The following RBM4 variants were observed in gnomAD, a reference collection of about 807,000 sequenced individuals.
RBM4 encodes RNA-binding protein 4.
RBM4 carries 7 observed loss-of-function variants against 29.5 expected under a neutral mutation model. The observed-to-expected ratio is 0.24, with a 90% CI of 0.14 to 0.45. RBM4 has a LOEUF of 0.45. Ranked by LOEUF, RBM4 falls within the 20% of genes least tolerant of loss-of-function variation. The pLI is 1.00. For missense variants in RBM4, 387 were observed against 502.3 expected (o/e 0.77, Z 2.19); for synonymous variants, 220 against 205.4 (o/e 1.07, Z -0.61).
intron 2 of RBM4, among the ~76,000 whole-genome samples, chr11:66,654,689 T>TG (rs1168956581): frequency 6.7e-6 from 1 of 148,772 alleles, no homozygotes; most frequent in African/African-American, 2.5e-5. Context: ...ATTTTGTTTT[T>TG]TTTTTTTTTT....
chr11:66,641,557 A>G (rs1438364354), intron 2 of RBM4, among the ~76,000 whole-genome samples: 1 of 152,194 alleles, frequency 6.6e-6, no homozygotes, highest in Non-Finnish European at 1.5e-5. Flanking sequence ...TGTTTCCCAC[A>G]CTTCAGCCCA....
chr11:66,650,558 T>A (rs543185745), downstream of RBM4, among the ~76,000 whole-genome samples: 4 of 148,286 alleles, frequency 2.7e-5, no homozygotes, highest in East Asian at 8.0e-4. Flanking sequence ...GCAACGAGAG[T>A]GAAAGTCTGT....
At chr11:66,661,157 C>T (rs1228937714) in intron 2 of RBM4, among the ~76,000 whole-genome samples, 1 of 152,176 alleles carries the variant, frequency 6.6e-6, no homozygotes, top group Non-Finnish European at 1.5e-5. Context: ...CTGCAAGTTC[C>T]TGGAGCTGAT....
rs78037458 is a variant in RBM4 at position 66,642,560 on chromosome 11, G to A, written c.413-890G>A. ...ATATTAGGTGTATGTTCTTAGTTAC[G>A]CTCTCAGATATGTAGTTGCAGGAGA... On this transcript the variant is annotated intron_variant, in intron 2 of 3. Transcript: ENST00000310092. Among the ~76,000 whole-genome samples the A allele has an allele frequency of 3.8e-3, 577 of 152,154 alleles. 32 individuals are homozygous for A. The East Asian group carries it at 0.099, about 26-fold the overall frequency.
At chr11:66,652,669 CT>C (rs1938857144) in intron 2 of RBM4, among the ~76,000 whole-genome samples, 1 of 152,150 alleles carries the variant, frequency 6.6e-6, no homozygotes, top group South Asian at 2.1e-4. Flanking sequence ...GGAATAGGGA[CT>C]CGTGTTACTT....
chr11:66,659,263 CTTTTTTTTTTTTTT>C (rs767959263), intron 2 of RBM4, among the ~76,000 whole-genome samples: 2 of 67,310 alleles, frequency 3.0e-5, no homozygotes, highest in African/African-American at 5.9e-5. Flanking sequence ...CTTCTTGGTT[CTTTTTTTTTTTTTT>C]TTTTTTTTTT....
intron 2 of RBM4, among the ~76,000 whole-genome samples, chr11:66,658,801 G>C (rs889153278): frequency 6.6e-6 from 1 of 151,924 alleles, no homozygotes; most frequent in African/African-American, 2.4e-5. Flanking sequence ...GCCAGGCGTG[G>C]TGGCACGTGC....
In RBM4 at chr11:66,643,953, C is replaced by T. The variant is rs1938578805; in HGVS notation, c.916C>T (p.Arg306Trp). 7 of 1,612,882 alleles carry T rather than the reference C, an allele frequency of 4.3e-6. No individual in the cohort carries two copies. Among genetic ancestry groups the T allele is most frequent in the Non-Finnish European group, 5.1e-6 (6 of 1,179,994 alleles). The change falls in exon 3 of 4, where the codon CGG becomes TGG. Residue 306 changes from arginine to tryptophan, a missense_variant. Transcript: ENST00000310092. This position sits in a 1 kb window ranked among gnomAD's most constrained non-coding sequence, Gnocchi z 6.1. Reference protein sequence around the residue: ...VTAASTSYYGRDRSPLRRATA... With the variant: ...VTAASTSYYGWDRSPLRRATA... The stretch of plus-strand genomic sequence containing the variant: ...TGCAGCTTCCACTTCATATTACGGG[C>T]GGGATCGGAGCCCCCTGCGTCGCGC...
chr11:66,649,497 G>T (rs113223849), downstream of RBM4, among the ~76,000 whole-genome samples: 38 of 152,208 alleles, frequency 2.5e-4, no homozygotes, highest in South Asian at 1.2e-3. Flanking sequence ...TGAGCTGATT[G>T]TGTCACTGTA....
Position 66,639,701 on chromosome 11 carries a change from C to G in RBM4, c.-11C>G, listed in dbSNP as rs774674888. The G allele has an allele frequency of 3.7e-6, 6 of 1,611,720 alleles. No individual in the cohort carries two copies. The Admixed American group carries it at 5.0e-5, about 13-fold the overall frequency. On this transcript the variant is annotated splice_region_variant and 5_prime_UTR_variant, in exon 2 of 4. Coordinates refer to ENST00000310092, the MANE Select transcript of RBM4 (RefSeq NM_002896.4). ...AGATGTCTTGTTTTTCTCTCCCAGG[C>G]TCTTGTCAGGATGGTGAAGCTGTTC... is the stretch of plus-strand genomic sequence containing the variant.
At chr11:66,664,402 G>C (rs1213669143) in intron 2 of RBM4, among the ~76,000 whole-genome samples, 2 of 152,002 alleles carry the variant, frequency 1.3e-5, no homozygotes, top group Middle Eastern at 3.4e-3. Context: ...TGCCTGCCTC[G>C]GTCTCCCAAA....
At chr11:66,661,708 A>ATT (rs1939086456) in intron 2 of RBM4, among the ~76,000 whole-genome samples, 1 of 152,174 alleles carries the variant, frequency 6.6e-6, no homozygotes, top group African/African-American at 2.4e-5. Flanking sequence ...ACAATATGCA[A>ATT]TTTATCATAT....
In RBM4 at chr11:66,643,493, T is replaced by C. The variant is rs964560088; in HGVS notation, c.456T>C (p.Thr152=). 2 of 1,613,762 alleles carry C rather than the reference T, an allele frequency of 1.2e-6. No homozygotes were observed. The highest frequency in any genetic ancestry group is 2.2e-5 in the East Asian group (1 of 44,870). The change falls in exon 3 of 4, where the codon ACT becomes ACC. Residue 152 remains threonine, a synonymous_variant. Transcript: ENST00000310092. This position sits in a 1 kb window ranked among gnomAD's most constrained non-coding sequence, Gnocchi z 6.1. ...HVQLSTSRLR[T]APGMGDQSGC... ...AGTTGTCCACCAGCCGGCTTAGGACTGCGCCCGGGATGGGAGACCAGAGCG... is the reference window on the plus strand; with the variant it reads ...AGTTGTCCACCAGCCGGCTTAGGACCGCGCCCGGGATGGGAGACCAGAGCG...
intron 2 of RBM4, among the ~76,000 whole-genome samples, chr11:66,659,263 C>CTTTTTTTTTT (rs767959263): frequency 5.6e-4 from 38 of 67,338 alleles, no homozygotes; most frequent in East Asian, 1.4e-3. Context: ...CTTCTTGGTT[C>CTTTTTTTTTT]TTTTTTTTTT....
At chr11:66,647,419 A>G (rs573079156), downstream of RBM4, among the ~76,000 whole-genome samples, 2 of 152,322 alleles carry the variant, frequency 1.3e-5, no homozygotes, top group South Asian at 2.1e-4. Context: ...TCTATACAAC[A>G]TGTAATTTAT....
At chr11:66,654,192 T>G (rs1490168344) in intron 2 of RBM4, among the ~76,000 whole-genome samples, 1 of 151,992 alleles carries the variant, frequency 6.6e-6, no homozygotes, top group Non-Finnish European at 1.5e-5. Flanking sequence ...ATCCTACTAT[T>G]AGAAGAATTT....
chr11:66,662,317 T>TTAA (rs1460674079), intron 2 of RBM4, among the ~76,000 whole-genome samples: 1 of 152,084 alleles, frequency 6.6e-6, no homozygotes, highest in Non-Finnish European at 1.5e-5. Flanking sequence ...CTGCCAGGAG[T>TTAA]GTTATTGGGC....
intron 2 of RBM4, among the ~76,000 whole-genome samples, chr11:66,652,723 G>A (rs1245807925): frequency 6.6e-6 from 1 of 152,136 alleles, no homozygotes; most frequent in African/African-American, 2.4e-5. Flanking sequence ...AATTGGGTTG[G>A]TTTCGGGCGT....
chr11:66,665,684 G>A (rs1207214044), intron 2 of RBM4: 9 of 1,508,344 alleles, frequency 6.0e-6, no homozygotes, highest in African/African-American at 2.8e-5. Context: ...GGAAAAAAAA[G>A]AACAAAACAA....
Sources: allele counts gnomAD v4.1 joint callset (sites outside exome capture counted in the v4.1 genomes callset), GRCh38; gene constraint gnomAD v4.1.1; non-coding constraint Gnocchi (gnomAD v3.1); transcripts MANE v1.5; gene names NCBI Gene and HGNC (gene_info 2026-07-23, HGNC 2026-07-21).